NBAS: variants seen among roughly 807,000 people sequenced by gnomAD.
The protein encoded by NBAS is NAG/BC035112 fusion.
A neutral mutation model predicts 302.5 loss-of-function variants in NBAS; 219 were observed. That is an observed-to-expected ratio of 0.72 (90% CI 0.65 to 0.81). NBAS has a LOEUF of 0.81. Ranked by LOEUF, NBAS falls within the 30% of genes least tolerant of loss-of-function variation. The probability of loss-of-function intolerance (pLI) is 0.00; values close to 1 mark genes in which losing one functional copy is unlikely to be tolerated. For missense variants in NBAS, 2,932 were observed against 2,841.6 expected (o/e 1.03, Z -0.72); for synonymous variants, 1,118 against 1,021.6 (o/e 1.09, Z -1.80).
the NBAS span, among the ~76,000 whole-genome samples, chr2:15,137,629 G>A: frequency 6.6e-6 from 1 of 152,128 alleles, no homozygotes; most frequent in Non-Finnish European, 1.5e-5. Flanking sequence ...ATGATGAGAG[G>A]AGGATCTTAA....
chr2:15,356,905 TA>T (rs1314648271), intron 32 of NBAS, among the ~76,000 whole-genome samples: 3 of 152,360 alleles, frequency 2.0e-5, no homozygotes, highest in East Asian at 3.9e-4. Context: ...GATTGTTCCT[TA>T]ACAAATTCTC....
chr2:14,915,042 C>A, the NBAS span, among the ~76,000 whole-genome samples: 6 of 152,284 alleles, frequency 3.9e-5, no homozygotes, highest in East Asian at 1.2e-3. Flanking sequence ...CTTACTGATA[C>A]AGAGAGTCAT....
At position 15,394,286 on chromosome 2, in the gene NBAS, T is replaced by C. The variant is rs573817571; in HGVS notation, c.3198A>G (p.Gln1066=). 5.0e-5 allele frequency: 81 copies of C among 1,613,216 alleles called. No homozygotes were observed. Among genetic ancestry groups the C allele is most frequent in the Admixed American group, 6.7e-5 (4 of 59,968 alleles). ...EKPISFVKNT[Q]SSSEEARKLM... is the part of the protein sequence containing the mutation. The stretch of plus-strand genomic sequence containing the variant: ...GCTTGCGTGCCTCTTCTGAGCTAGA[T>C]TGAGTGTTTTTAACAAATGAAATTG... The change falls in exon 28 of 52, where the codon CAA becomes CAG. Residue 1066 remains glutamine, a synonymous_variant. Transcript: ENST00000281513.
chr2:14,941,038 A>G, the NBAS span, among the ~76,000 whole-genome samples: 1 of 152,220 alleles, frequency 6.6e-6, no homozygotes, highest in Non-Finnish European at 1.5e-5. Context: ...TTTGTGAACA[A>G]AACTGACAAA....
At chr2:14,984,539 C>T in the NBAS span, among the ~76,000 whole-genome samples, 1 of 152,308 alleles carries the variant, frequency 6.6e-6, no homozygotes, top group Non-Finnish European at 1.5e-5. Context: ...TTGAAAGTCC[C>T]TCTAAGTGAA....
chr2:15,522,316 C>T (rs1461273935), intron 9 of NBAS, among the ~76,000 whole-genome samples: 1 of 152,052 alleles, frequency 6.6e-6, no homozygotes, highest in Non-Finnish European at 1.5e-5. Context: ...ATCAATAAGG[C>T]TTGAAGATCA....
At chr2:15,281,544 A>AT (rs966434055) in intron 42 of NBAS, among the ~76,000 whole-genome samples, 28 of 151,968 alleles carry the variant, frequency 1.8e-4, no homozygotes, top group Non-Finnish European at 3.1e-4. Context: ...AATAGCTACT[A>AT]TTTTTTTTAA....
chr2:15,159,448 G>A, the NBAS span, among the ~76,000 whole-genome samples: 8 of 94,038 alleles, frequency 8.5e-5, no homozygotes, highest in African/African-American at 5.2e-4. Context: ...TTCAAAAGGA[G>A]GGACCAGCAC....
chr2:15,168,465 T>A (rs938838663), intron 51 of NBAS, among the ~76,000 whole-genome samples: 3 of 152,188 alleles, frequency 2.0e-5, no homozygotes, highest in African/African-American at 7.2e-5. Flanking sequence ...ACAGGGGTCA[T>A]TCAAAACCCA....
chr2:14,893,133 G>A, the NBAS span, among the ~76,000 whole-genome samples: 27 of 152,056 alleles, frequency 1.8e-4, no homozygotes, highest in Non-Finnish European at 3.5e-4. Flanking sequence ...GTCAGTTTTG[G>A]TCATTTACAT....
chr2:15,381,069 C>T (rs369667610), intron 29 of NBAS, among the ~76,000 whole-genome samples: 16 of 152,162 alleles, frequency 1.1e-4, no homozygotes, highest in African/African-American at 3.1e-4. Flanking sequence ...GCTTACAATA[C>T]GTCTAATCCA....
the NBAS span, among the ~76,000 whole-genome samples, chr2:14,815,950 T>A: frequency 6.6e-6 from 1 of 152,320 alleles, no homozygotes; most frequent in East Asian, 1.9e-4. Flanking sequence ...AATTTTTACA[T>A]CCCAATCTAG....
intron 9 of NBAS, among the ~76,000 whole-genome samples, chr2:15,520,175 G>A (rs1662594454): frequency 1.3e-5 from 2 of 152,188 alleles, no homozygotes; most frequent in Admixed American, 1.3e-4. Context: ...GCCCAGGCAA[G>A]TGGCTCACTT....
chr2:15,287,711 T>C (rs920131892), intron 41 of NBAS, among the ~76,000 whole-genome samples: 2 of 149,250 alleles, frequency 1.3e-5, no homozygotes, highest in African/African-American at 5.0e-5. Context: ...ACATCCCGCA[T>C]AGGCATCCCA....
At chr2:15,498,635 GGCC>G (rs1373041600) in intron 11 of NBAS, among the ~76,000 whole-genome samples, 2 of 152,092 alleles carry the variant, frequency 1.3e-5, no homozygotes, top group African/African-American at 4.8e-5. Context: ...AAATTGGAGG[GGCC>G]TGATGGGAAG....
chr2:15,477,980 G>A (rs1680260640), intron 13 of NBAS, among the ~76,000 whole-genome samples: 1 of 147,080 alleles, frequency 6.8e-6, no homozygotes, highest in Non-Finnish European at 1.5e-5. Flanking sequence ...CTGAAAAGGA[G>A]CACGCTTCTA....
intron 30 of NBAS, among the ~76,000 whole-genome samples, chr2:15,378,106 T>C (rs1051476940): frequency 3.9e-5 from 6 of 152,198 alleles, no homozygotes. Flanking sequence ...ATTCTACCTT[T>C]CTTCAGTTTA....
chr2:15,320,511 C>G (rs1411740180), intron 38 of NBAS, among the ~76,000 whole-genome samples: 2 of 152,160 alleles, frequency 1.3e-5, no homozygotes, highest in South Asian at 4.1e-4. Flanking sequence ...ATCATCTCAG[C>G]CCAAAATCTC....
the NBAS span, among the ~76,000 whole-genome samples, chr2:14,987,496 A>G: frequency 6.6e-6 from 1 of 151,720 alleles, no homozygotes; most frequent in East Asian, 1.9e-4. Context: ...TATATCATAA[A>G]ATCACAGACT....
Sources: gnomAD v4.1 joint callset for allele counts (sites outside exome capture counted in the v4.1 genomes callset) on GRCh38, gnomAD v4.1.1 for gene constraint, MANE v1.5 for transcripts, NCBI Gene and HGNC (gene_info 2026-07-23, HGNC 2026-07-21) for gene names.